Variants in CHRNA7 observed in about 807,000 individuals in gnomAD.
CHRNA7 encodes the protein cholinergic receptor nicotinic alpha 7 subunit.
In CHRNA7, 17 loss-of-function variants were observed where a neutral mutation model predicts 48.0. The observed-to-expected ratio is 0.35, with a 90% CI of 0.24 to 0.53. The LOEUF is 0.53. CHRNA7 is among the 20% of genes least tolerant of loss of function. The probability of loss-of-function intolerance (pLI) is 0.92; values close to 1 mark genes in which losing one functional copy is unlikely to be tolerated. For missense variants in CHRNA7, 155 were observed against 577.7 expected, an observed-to-expected ratio of 0.27 and a Z score of 7.50; for synonymous variants, 75 against 242.3, an observed-to-expected ratio of 0.31 and a Z score of 6.41.
chr15:32,086,301 G>A (rs918261238), intron 2 of CHRNA7, among the ~76,000 whole-genome samples: 2 of 150,904 alleles, frequency 1.3e-5, no homozygotes, highest in East Asian at 1.9e-4. Flanking sequence ...CCCTGGAGGC[G>A]GAGGTTGCAG....
At chr15:32,073,331 T>C (rs2050087131) in intron 2 of CHRNA7, among the ~76,000 whole-genome samples, 1 of 152,222 alleles carries the variant, frequency 6.6e-6, no homozygotes, top group African/African-American at 2.4e-5. Flanking sequence ...GGAATGGGAA[T>C]GTTTACCAAA....
chr15:32,085,573 C>T (rs1042840330), intron 2 of CHRNA7, among the ~76,000 whole-genome samples: 1 of 152,120 alleles, frequency 6.6e-6, no homozygotes, highest in East Asian at 1.9e-4. Context: ...TTGGAATTAT[C>T]CCTTGAGTGT....
At chr15:32,091,746 C>G (rs1299442876) in intron 2 of CHRNA7, among the ~76,000 whole-genome samples, 1 of 152,188 alleles carries the variant, frequency 6.6e-6, no homozygotes, top group Non-Finnish European at 1.5e-5. Flanking sequence ...ACACTGGCCA[C>G]TGGTCTCCAT....
chr15:32,056,852 G>A (rs2049796121), intron 2 of CHRNA7, among the ~76,000 whole-genome samples: 1 of 152,102 alleles, frequency 6.6e-6, no homozygotes, highest in Non-Finnish European at 1.5e-5. Flanking sequence ...CTTATTTTTA[G>A]GAGGGATTTT....
chr15:32,030,645 G>C lies in CHRNA7; in HGVS notation c.51G>C (p.Leu17=), dbSNP rs1265607066. The change falls in exon 1 of 10, where the codon CTG becomes CTC. Residue 17 remains leucine (L), a synonymous_variant. Coordinates refer to ENST00000306901, the MANE Select transcript of CHRNA7 (RefSeq NM_000746.6). ...GVWLALAASL[L]HVSLQGEFQR... ...GGCTGGCGCTGGCCGCGTCGCTCCT[G>C]CACGGTAAAGCCACTGCCTCCCCGC... The C allele has an allele frequency of 3.2e-6, 5 of 1,577,310 alleles. No individual in the cohort carries two copies. The highest frequency in any genetic ancestry group is 4.3e-6 in the Non-Finnish European group (5 of 1,165,980).
chr15:32,150,952 G>C (rs1465968096), intron 4 of CHRNA7, among the ~76,000 whole-genome samples: 1 of 152,098 alleles, frequency 6.6e-6, no homozygotes, highest in Admixed American at 6.5e-5. Flanking sequence ...AGTAAGGGGG[G>C]GGGATGTGTC....
intron 3 of CHRNA7, among the ~76,000 whole-genome samples, chr15:32,110,564 CCCT>C (rs1303424722): frequency 6.6e-6 from 1 of 152,210 alleles, no homozygotes; most frequent in Non-Finnish European, 1.5e-5. Context: ...ATGCTGCCTG[CCCT>C]CCTCAGAGAA....
intron 4 of CHRNA7, among the ~76,000 whole-genome samples, chr15:32,119,271 G>C (rs1053224838): frequency 5.9e-5 from 9 of 152,198 alleles, no homozygotes; most frequent in Non-Finnish European, 1.2e-4. Flanking sequence ...TCTGCTTTTA[G>C]GATGCTCTGC....
chr15:32,096,707 C>T (rs527236804), intron 2 of CHRNA7, among the ~76,000 whole-genome samples: 4 of 151,730 alleles, frequency 2.6e-5, no homozygotes, highest in Non-Finnish European at 5.9e-5. Context: ...CAGTAATTCA[C>T]GAAAGAATAA....
At chr15:32,050,172 C>T (rs911698323) in intron 2 of CHRNA7, among the ~76,000 whole-genome samples, 4 of 152,098 alleles carry the variant, frequency 2.6e-5, no homozygotes, top group African/African-American at 9.7e-5. Flanking sequence ...CTCTGTATTT[C>T]CTGAATGTGA....
intron 4 of CHRNA7, among the ~76,000 whole-genome samples, chr15:32,131,812 C>G (rs1357762665): frequency 1.3e-5 from 2 of 152,164 alleles, no homozygotes; most frequent in Admixed American, 6.5e-5. Flanking sequence ...TTCCTTTTCA[C>G]TAGACCTCCT....
intron 4 of CHRNA7, among the ~76,000 whole-genome samples, chr15:32,150,056 A>T (rs1009811916): frequency 6.6e-6 from 1 of 152,034 alleles, no homozygotes; most frequent in East Asian, 1.9e-4. Flanking sequence ...TTATGTTTTT[A>T]TTTTATTTTA....
chr15:32,153,051 C>G, intron 4 of CHRNA7, among the ~76,000 whole-genome samples: 1 of 152,226 alleles, frequency 6.6e-6, no homozygotes, highest in Admixed American at 6.5e-5. Context: ...TTCTTTTCAT[C>G]GCTAACTGTG....
rs762077874 is a variant in CHRNA7, at chr15:32,030,642, C to G, written c.48C>G (p.Leu16=). 1.3e-6 allele frequency: 2 copies of G among 1,578,514 alleles called. No homozygotes were observed. The highest frequency in any genetic ancestry group is 1.7e-6 in the Non-Finnish European group (2 of 1,166,758). Residue 16 remains leucine, a synonymous_variant, in exon 1 of 10, where the codon CTC becomes CTG. Transcript: ENST00000306901. ...GGVWLALAAS[L]LHVSLQGEFQ... ...TCTGGCTGGCGCTGGCCGCGTCGCT[C>G]CTGCACGGTAAAGCCACTGCCTCCC...
At chr15:32,095,816 T>C (rs1014650841) in intron 2 of CHRNA7, among the ~76,000 whole-genome samples, 3 of 152,218 alleles carry the variant, frequency 2.0e-5, no homozygotes. Flanking sequence ...GGAATTATTT[T>C]CCGTGATCGT....
intron 4 of CHRNA7, among the ~76,000 whole-genome samples, chr15:32,148,039 T>G (rs1313860734): frequency 1.3e-5 from 2 of 152,224 alleles, no homozygotes; most frequent in Non-Finnish European, 2.9e-5. Context: ...TGGATAGATT[T>G]CATCTTCATC....
chr15:32,145,315 G>C (rs566071593), intron 4 of CHRNA7, among the ~76,000 whole-genome samples: 2 of 152,140 alleles, frequency 1.3e-5, no homozygotes, highest in Non-Finnish European at 2.9e-5. Context: ...GCACCCACCT[G>C]TATGAGGTGT....
At chr15:32,144,414 A>G (rs2051444777) in intron 4 of CHRNA7, among the ~76,000 whole-genome samples, 1 of 152,050 alleles carries the variant, frequency 6.6e-6, no homozygotes, top group Non-Finnish European at 1.5e-5. Flanking sequence ...CTTTTTGAAG[A>G]GTAGCTTTGT....
chr15:32,131,519 T>G (rs1329778241), intron 4 of CHRNA7, among the ~76,000 whole-genome samples: 1 of 152,182 alleles, frequency 6.6e-6, no homozygotes, highest in Non-Finnish European at 1.5e-5. Context: ...TTCTAAATTT[T>G]CATTTAGTTT....
Sources: allele counts gnomAD v4.1 joint callset (sites outside exome capture counted in the v4.1 genomes callset), GRCh38; gene constraint gnomAD v4.1.1; transcripts MANE v1.5; gene names NCBI Gene and HGNC (gene_info 2026-07-23, HGNC 2026-07-21).